HIVEP1: variants seen among roughly 807,000 people sequenced by gnomAD.
HIVEP1 encodes the protein zinc finger protein 40.
A neutral mutation model predicts 180.0 loss-of-function variants in HIVEP1; 36 were observed. That is an observed-to-expected ratio of 0.20 (90% CI 0.15 to 0.26). HIVEP1 has a LOEUF of 0.26. Ranked by LOEUF, HIVEP1 falls within the 10% of genes least tolerant of loss-of-function variation. The probability of loss-of-function intolerance (pLI) is 1.00; values close to 1 mark genes in which losing one functional copy is unlikely to be tolerated. For synonymous variants in HIVEP1, 1,239 were observed against 1,239.0 expected (o/e 1.00, Z 0.00); for missense variants, 3,143 against 3,268.7 (o/e 0.96, Z 0.94).
At chr6:12,192,071 G>A in the HIVEP1 span, among the ~76,000 whole-genome samples, 1 of 152,100 alleles carries the variant, frequency 6.6e-6, no homozygotes, top group Admixed American at 6.5e-5. Flanking sequence ...TCATATGACT[G>A]ACTTCTTAAG....
chr6:12,112,131 C>G (rs752654760), intron 3 of HIVEP1, among the ~76,000 whole-genome samples: 4 of 152,150 alleles, frequency 2.6e-5, no homozygotes, highest in African/African-American at 4.8e-5. Flanking sequence ...TGAAAAAAAT[C>G]TTGCTATGGC....
intron 7 of HIVEP1, among the ~76,000 whole-genome samples, chr6:12,143,611 T>C (rs1759187511): frequency 6.6e-6 from 1 of 152,196 alleles, no homozygotes; most frequent in East Asian, 1.9e-4. Flanking sequence ...TGTTTGCAGA[T>C]GACATGATTG....
intron 2 of HIVEP1, among the ~76,000 whole-genome samples, chr6:12,055,116 G>A (rs960022690): frequency 2.0e-5 from 3 of 152,138 alleles, no homozygotes; most frequent in East Asian, 1.9e-4. Flanking sequence ...TAAACATTAC[G>A]AACCTAAAGT....
intron 2 of HIVEP1, among the ~76,000 whole-genome samples, chr6:12,051,001 C>CATATATATAT (rs1161977899): frequency 0.13 from 9,788 of 77,144 alleles, 1,153 homozygotes; most frequent in Middle Eastern, 0.2. Context: ...TACACAAGTG[C>CATATATATAT]ATATATATAT....
chr6:12,138,837 T>G (rs1410429434), intron 7 of HIVEP1, among the ~76,000 whole-genome samples: 2 of 151,840 alleles, frequency 1.3e-5, no homozygotes, highest in East Asian at 3.9e-4. Flanking sequence ...CCCCATAGTC[T>G]TCCGCCATCC....
At position 12,032,996 on chromosome 6, in the gene HIVEP1, T is replaced by C. The variant is rs560677365; in HGVS notation, c.40+17328T>C. The stretch of plus-strand genomic sequence containing the variant: ...AAGTGATGATGAAACTTCACTGTTA[T>C]TTTACGGTGAATGAACTCATATGTA... On this transcript the variant is annotated intron_variant, in intron 2 of 8. Coordinates refer to ENST00000379388, the MANE Select transcript of HIVEP1 (RefSeq NM_002114.4). Among the ~76,000 whole-genome samples the C allele has an allele frequency of 1.5e-3, 231 of 152,330 alleles. 1 individual carries two copies. Among genetic ancestry groups the C allele is most frequent in the African/African-American group, 5.1e-3 (210 of 41,578 alleles).
chr6:12,078,227 A>G (rs1772498769), intron 2 of HIVEP1, among the ~76,000 whole-genome samples: 1 of 152,028 alleles, frequency 6.6e-6, no homozygotes, highest in South Asian at 2.1e-4. Flanking sequence ...CATAGTCACT[A>G]ATTGACAACT....
At chr6:12,130,387 C>T (rs1758350573) in intron 5 of HIVEP1, among the ~76,000 whole-genome samples, 1 of 152,062 alleles carries the variant, frequency 6.6e-6, no homozygotes, top group Admixed American at 6.5e-5. Flanking sequence ...AAATTACATG[C>T]AGTAGTGCAG....
chr6:12,011,588 G>T (rs945474258), upstream of HIVEP1, among the ~76,000 whole-genome samples: 9 of 143,610 alleles, frequency 6.3e-5, no homozygotes, highest in Non-Finnish European at 1.2e-4. Context: ...CCCGGGCTGC[G>T]CTGCCACCTC....
At chr6:12,021,256 G>C (rs1768183563) in intron 2 of HIVEP1, among the ~76,000 whole-genome samples, 1 of 152,184 alleles carries the variant, frequency 6.6e-6, no homozygotes, top group South Asian at 2.1e-4. Context: ...GACACATGGG[G>C]TCGCTTTCCA....
At chr6:12,094,967 T>G (rs1247896775) in intron 3 of HIVEP1, among the ~76,000 whole-genome samples, 2 of 151,982 alleles carry the variant, frequency 1.3e-5, no homozygotes, top group Non-Finnish European at 2.9e-5. Flanking sequence ...ATCCAAACAT[T>G]CTATTTTCTC....
intron 2 of HIVEP1, chr6:12,039,270 C>T (rs1253676283): frequency 6.6e-6 from 1 of 152,186 alleles, no homozygotes; most frequent in Non-Finnish European, 1.5e-5. Flanking sequence ...TGTGTCCATG[C>T]CACCTAACTT....
chr6:12,050,994 A>G (rs1770476371), intron 2 of HIVEP1, among the ~76,000 whole-genome samples: 1 of 127,056 alleles, frequency 7.9e-6, no homozygotes, highest in Non-Finnish European at 1.6e-5. Flanking sequence ...TAGCAGATAC[A>G]CAAGTGCATA....
the HIVEP1 span, among the ~76,000 whole-genome samples, chr6:12,176,474 C>T: frequency 1.3e-5 from 2 of 152,138 alleles, no homozygotes; most frequent in East Asian, 3.9e-4. Flanking sequence ...TCAGGTGATC[C>T]ACCTGCCTCG....
chr6:12,021,141 G>A (rs1008260612), intron 2 of HIVEP1, among the ~76,000 whole-genome samples: 6 of 152,024 alleles, frequency 3.9e-5, no homozygotes, highest in Admixed American at 1.3e-4. Flanking sequence ...TGATCCAACC[G>A]CCTCAAAGTG....
chr6:12,100,087 G>A (rs776333340), intron 3 of HIVEP1, among the ~76,000 whole-genome samples: 2 of 152,220 alleles, frequency 1.3e-5, no homozygotes, highest in Non-Finnish European at 2.9e-5. Context: ...GGTTGTGATA[G>A]TGTGAAGAAC....
At chr6:12,076,693 A>T (rs1772373652) in intron 2 of HIVEP1, among the ~76,000 whole-genome samples, 1 of 152,132 alleles carries the variant, frequency 6.6e-6, no homozygotes, top group African/African-American at 2.4e-5. Flanking sequence ...CATGACCTAA[A>T]CACCGCCCAG....
intron 3 of HIVEP1, among the ~76,000 whole-genome samples, chr6:12,091,338 A>G (rs1229450080): frequency 6.6e-6 from 1 of 152,020 alleles, no homozygotes; most frequent in East Asian, 1.9e-4. Context: ...GTTTAGCCAC[A>G]TTGCTTTTTA....
At position 12,121,952 on chromosome 6, in the gene HIVEP1, C is replaced by G. The variant is rs188970025; in HGVS notation, c.2157C>G (p.Pro719=). 2 of 1,614,050 alleles carry G rather than the reference C, an allele frequency of 1.2e-6. No individual in the cohort carries two copies. The highest frequency in any genetic ancestry group is 1.3e-5 in the African/African-American group (1 of 74,916). ...CAGCTCTTGTCACCACGTCAACACC[C>G]TCTGCTTTGCCCACAGGGGAAAAGG... ...PSAALVTTST[P]SALPTGEKAL... is the part of the protein sequence containing the mutation. The change falls in exon 4 of 9, where the codon CCC becomes CCG. Residue 719 remains proline, a synonymous_variant. Transcript: ENST00000379388. The surrounding 1 kb of genome is among the most constrained non-coding windows in gnomAD (Gnocchi z 5.3).
Sources: allele counts gnomAD v4.1 joint callset (sites outside exome capture counted in the v4.1 genomes callset), GRCh38; gene constraint gnomAD v4.1.1; non-coding constraint Gnocchi (gnomAD v3.1); transcripts MANE v1.5; gene names NCBI Gene and HGNC (gene_info 2026-07-23, HGNC 2026-07-21).